The following MAP2K4 variants were observed in gnomAD, a reference collection of about 807,000 sequenced individuals.
MAP2K4 encodes the protein dual specificity mitogen-activated protein kinase kinase 4.
Under a neutral mutation model 48.5 loss-of-function variants are expected in MAP2K4, and 4 were observed. That is an observed-to-expected ratio of 0.08 (90% CI 0.04 to 0.19). The LOEUF is 0.19. MAP2K4 is among the 10% of genes least tolerant of loss of function. MAP2K4 has a pLI of 1.00. For synonymous variants in MAP2K4, 166 were observed against 173.1 expected, an observed-to-expected ratio of 0.96 and a Z score of 0.32; for missense variants, 258 against 493.3, an observed-to-expected ratio of 0.52 and a Z score of 4.52.
intron 1 of MAP2K4, among the ~76,000 whole-genome samples, chr17:12,040,981 T>C (rs1359712354): frequency 6.6e-6 from 1 of 152,256 alleles, no homozygotes; most frequent in Non-Finnish European, 1.5e-5. Flanking sequence ...GATTTTCTTT[T>C]TGGGTCTTTG....
chr17:12,125,496 TTGCTG>T, intron 8 of MAP2K4, 125 bp downstream of exon 8: 1 of 729,556 alleles, frequency 1.4e-6, no homozygotes, highest in Middle Eastern at 2.4e-4. Flanking sequence ...TGGTTTTAAG[TTGCTG>T]AAAAAAAAAA....
chr17:12,030,664 C>T (rs1445268589), intron 1 of MAP2K4, among the ~76,000 whole-genome samples: 1 of 152,096 alleles, frequency 6.6e-6, no homozygotes, highest in East Asian at 1.9e-4. Flanking sequence ...TTTAACACAA[C>T]CTTACATATA....
intron 2 of MAP2K4, among the ~76,000 whole-genome samples, chr17:12,060,275 CA>C (rs2151530301): frequency 6.6e-6 from 1 of 152,210 alleles, no homozygotes; most frequent in South Asian, 2.1e-4. Flanking sequence ...TTGACTTTAT[CA>C]CTTAATTCTG....
rs545206188 is a variant in MAP2K4 at position 12,081,002 on chromosome 17, G to C, written c.219-354G>C. 6.6e-6 allele frequency among the ~76,000 whole-genome samples: 1 copy of C among 152,314 alleles called. No homozygotes were observed. The highest frequency in any genetic ancestry group is 2.1e-4 in the South Asian group (1 of 4,830). On this transcript the variant is annotated intron_variant, in intron 2 of 10. Coordinates refer to ENST00000353533, the MANE Select transcript of MAP2K4 (RefSeq NM_003010.4). The surrounding 1 kb of genome is among the most constrained non-coding windows in gnomAD (Gnocchi z 4.2). Reference sequence around the variant, plus strand: ...TTTGCAGCTCTTGGGATTCTCACTTGATAATGCTGTTTGGATAAACCATCA... The same window carrying C: ...TTTGCAGCTCTTGGGATTCTCACTTCATAATGCTGTTTGGATAAACCATCA...
rs1013426671 is a variant in MAP2K4, at chr17:12,020,898, G to C, written c.12G>C (p.Pro4=). The C allele has an allele frequency of 8.5e-7, 1 of 1,183,334 alleles. No homozygotes were observed. Among genetic ancestry groups the C allele is most frequent in the Non-Finnish European group, 1.0e-6 (1 of 957,484 alleles). The allele number at this position is 1,183,334 out of a possible 1,614,324, so 73.3% of individuals were successfully genotyped here. The part of the protein sequence containing the change: MAA[P]SPSGGGGSGG... ...CTTCACTCCCAACAATGGCGGCTCC[G>C]AGCCCGAGCGGCGGCGGCGGCTCCG... Residue 4 remains proline, a synonymous_variant, in exon 1 of 11, where the codon CCG becomes CCC. Transcript: ENST00000353533.
chr17:12,032,591 A>G (rs921941051), intron 1 of MAP2K4, among the ~76,000 whole-genome samples: 2 of 152,190 alleles, frequency 1.3e-5, no homozygotes, highest in African/African-American at 4.8e-5. Flanking sequence ...ACTTAACCCT[A>G]ATTTAAATTA....
chr17:12,129,058 TA>T, intron 8 of MAP2K4, 80 bp from the exon 9 acceptor site: 1 of 1,402,726 alleles, frequency 7.1e-7, no homozygotes, highest in Non-Finnish European at 9.8e-7. Flanking sequence ...GCTTGTAGTT[TA>T]GATTTTTTTG....
At position 12,141,466 on chromosome 17, in the gene MAP2K4, G is replaced by A. The variant is rs1386400527; in HGVS notation, c.*206G>A. On this transcript the variant is annotated 3_prime_UTR_variant, in exon 11 of 11. Coordinates refer to ENST00000353533, the MANE Select transcript of MAP2K4 (RefSeq NM_003010.4). ...GATTGATCACACAGTGTTAGTGCTG[G>A]TCAGAGAGACCTCATCCTGCTCTTT... 5.3e-6 allele frequency: 3 copies of A among 568,244 alleles called. No homozygotes were observed. Among genetic ancestry groups the A allele is most frequent in the Non-Finnish European group, 9.4e-6 (3 of 318,260 alleles). 35.2% of individuals were successfully genotyped at this position (568,244 alleles called of 1,614,324 possible).
intron 10 of MAP2K4, among the ~76,000 whole-genome samples, 180 bp from the exon 11 acceptor site, chr17:12,140,967 C>T (rs1007739749): frequency 2.0e-5 from 3 of 152,102 alleles, no homozygotes; most frequent in Admixed American, 6.5e-5. Flanking sequence ...ATGCCCATGC[C>T]CATTAGCATA....
In MAP2K4 at chr17:12,020,993, G is replaced by A; in HGVS notation, c.107G>A (p.Ser36Asn). 1 of 1,210,534 alleles carries A rather than the reference G, an allele frequency of 8.3e-7. No homozygotes were observed. Among genetic ancestry groups the A allele is most frequent in the Non-Finnish European group, 1.0e-6 (1 of 973,972 alleles). The allele number at this position is 1,210,534 out of a possible 1,614,324, so 75.0% of individuals were successfully genotyped here. Residue 36 changes from serine to asparagine, a missense_variant, in exon 1 of 11, where the codon AGC (serine) becomes AAC (asparagine). Around this residue, in one of 3 missense-constraint regions of MAP2K4, gnomAD observed 69 missense variants for 56.2 expected, o/e 1.23. Transcript: ENST00000353533. ...GCGCCAGGCCACCCGGCCGTCAGCA[G>A]CATGCAGGGTAAGGAACGCGGCCGC... ...SPAPGHPAVS[S>N]MQGKRKALKL...
At chr17:12,116,271 A>G (rs1293238936) in intron 7 of MAP2K4, among the ~76,000 whole-genome samples, 1 of 152,172 alleles carries the variant, frequency 6.6e-6, no homozygotes, top group African/African-American at 2.4e-5. Context: ...AGAATGGTTC[A>G]CTGGTATAAG....
chr17:12,134,454 T>C (rs780381912), intron 9 of MAP2K4, among the ~76,000 whole-genome samples: 6 of 152,142 alleles, frequency 3.9e-5, no homozygotes, highest in Non-Finnish European at 4.4e-5. Flanking sequence ...ACACAGCAGA[T>C]TGAGTATTGC....
At chr17:12,111,114 C>T (rs949257733) in intron 6 of MAP2K4, among the ~76,000 whole-genome samples, 1 of 152,038 alleles carries the variant, frequency 6.6e-6, no homozygotes, top group Non-Finnish European at 1.5e-5. Flanking sequence ...AATCACTACC[C>T]CTCAGCAAAT....
rs546642537 is a variant in MAP2K4, at chr17:12,109,002, A to G, written c.633+1093A>G. On this transcript the variant is annotated intron_variant, in intron 5 of 10. Coordinates refer to ENST00000353533, the MANE Select transcript of MAP2K4 (RefSeq NM_003010.4). ...TAATAATTATAATAATAGAAAAATG[A>G]TAATAGCTAATGGTTATTAAATGCT... 2.8e-4 allele frequency among the ~76,000 whole-genome samples: 42 copies of G among 152,218 alleles called. 1 individual carries two copies. Among genetic ancestry groups the G allele is most frequent in the African/African-American group, 8.7e-4 (36 of 41,548 alleles).
chr17:12,059,573 G>C (rs1970386441), intron 2 of MAP2K4, among the ~76,000 whole-genome samples: 1 of 152,130 alleles, frequency 6.6e-6, no homozygotes, highest in South Asian at 2.1e-4. Context: ...AAATAGTGGT[G>C]GATGCAGATA....
Position 12,142,750 on chromosome 17 carries a change from C to T in MAP2K4, c.*1490C>T. ...CAAGAGGCCATTTAAGTATCTTGTGCTTCTTCACTTACCCATTAGCCAGGT... is the reference window on the plus strand; with the variant it reads ...CAAGAGGCCATTTAAGTATCTTGTGTTTCTTCACTTACCCATTAGCCAGGT... On this transcript the variant is annotated 3_prime_UTR_variant, in exon 11 of 11. Transcript: ENST00000353533. 8.6e-6 allele frequency: 2 copies of T among 232,850 alleles called. No individual in the cohort carries two copies. Among genetic ancestry groups the T allele is most frequent in the South Asian group, 1.8e-4 (1 of 5,528 alleles). The allele number at this position is 232,850 out of a possible 1,614,324, so 14.4% of individuals were successfully genotyped here.
intron 9 of MAP2K4, among the ~76,000 whole-genome samples, chr17:12,132,659 G>A (rs1357902207): frequency 2.0e-5 from 3 of 151,992 alleles, no homozygotes; most frequent in African/African-American, 7.3e-5. Flanking sequence ...AGACCTTGCC[G>A]ACTGAGGTGT....
chr17:12,130,706 A>T (rs1972993509), intron 9 of MAP2K4, among the ~76,000 whole-genome samples: 1 of 152,174 alleles, frequency 6.6e-6, no homozygotes, highest in African/African-American at 2.4e-5. Context: ...TAAGGTCTAC[A>T]TTGAAGTGTA....
intron 7 of MAP2K4, among the ~76,000 whole-genome samples, chr17:12,116,837 T>A (rs775122216): frequency 3.9e-5 from 6 of 152,134 alleles, no homozygotes; most frequent in Admixed American, 1.3e-4. Context: ...TTTAAATAAG[T>A]AGAAGGACAT....
Sources: gnomAD v4.1 joint callset for allele counts (sites outside exome capture counted in the v4.1 genomes callset) on GRCh38, gnomAD v4.1.1 for gene constraint, gnomAD v4.1.1 regional missense constraint, Gnocchi (gnomAD v3.1) non-coding constraint, MANE v1.5 for transcripts, NCBI Gene and HGNC (gene_info 2026-07-23, HGNC 2026-07-21) for gene names.